Variants in CASR observed in about 807,000 individuals in gnomAD.
CASR encodes extracellular calcium-sensing receptor.
CASR carries 23 observed loss-of-function variants against 69.1 expected under a neutral mutation model. The ratio of observed to expected loss-of-function variants is 0.33; its 90% CI spans 0.24 to 0.47. The LOEUF is 0.47. CASR is among the 20% of genes least tolerant of loss of function. CASR has a pLI of 1.00. For synonymous variants in CASR, 541 were observed against 544.7 expected, an observed-to-expected ratio of 0.99 and a Z score of 0.10; for missense variants, 924 against 1,356.1, an observed-to-expected ratio of 0.68 and a Z score of 5.00.
At position 122,285,262 on chromosome 3, in the gene CASR, C is replaced by T. The variant is rs1210890295; in HGVS notation, c.*71C>T. ...TGGGGTCCCAGGGAAGAGGAATCGC[C>T]CCAGACTCCTTTCCTCTGAGGAAGA... On this transcript the variant is annotated 3_prime_UTR_variant, in exon 7 of 7. Coordinates refer to ENST00000639785, the MANE Select transcript of CASR (RefSeq NM_000388.4). The T allele has an allele frequency of 2.9e-6, 4 of 1,362,628 alleles. No homozygotes were observed. The highest frequency in any genetic ancestry group is 4.2e-6 in the Non-Finnish European group (4 of 955,250). 84.4% of individuals were successfully genotyped at this position (1,362,628 alleles called of 1,614,324 possible). A position where few individuals can be genotyped will look rare whatever the true frequency, so the allele number is the denominator to read the frequency against.
chr3:122,239,094 G>A (rs1461065407), intron 1 of CASR, among the ~76,000 whole-genome samples: 1 of 152,162 alleles, frequency 6.6e-6, no homozygotes, highest in African/African-American at 2.4e-5. Flanking sequence ...CAGCCACAAG[G>A]GTGTGGAGCA....
rs2075005420 is a variant in CASR, at chr3:122,290,685, A to G, written c.*5494A>G. On this transcript the variant is annotated 3_prime_UTR_variant, in exon 7 of 7. Coordinates refer to ENST00000639785, the MANE Select transcript of CASR (RefSeq NM_000388.4). Reference sequence around the variant, plus strand: ...GATAAGTATATCATATTAGATAGGAATCACCATACTGGGTCAGTCACCCCT... The same window carrying G: ...GATAAGTATATCATATTAGATAGGAGTCACCATACTGGGTCAGTCACCCCT... The G allele has an allele frequency of 1.3e-5, 2 of 152,114 alleles. No homozygotes were observed. The highest frequency in any genetic ancestry group is 2.9e-5 in the Non-Finnish European group (2 of 68,014). 9.4% of individuals were successfully genotyped at this position (152,114 alleles called of 1,614,324 possible). A position where few individuals can be genotyped will look rare whatever the true frequency, so the allele number is the denominator to read the frequency against.
At chr3:122,276,739 G>A (rs1040347953) in intron 5 of CASR, among the ~76,000 whole-genome samples, 2 of 152,216 alleles carry the variant, frequency 1.3e-5, no homozygotes, top group African/African-American at 4.8e-5. Context: ...CAGGAGACCT[G>A]TAACAAAGAG....
chr3:122,234,875 A>C (rs1222323427), intron 1 of CASR, among the ~76,000 whole-genome samples: 1 of 152,230 alleles, frequency 6.6e-6, no homozygotes, highest in East Asian at 1.9e-4. Context: ...TGAATGTAGT[A>C]TGTTCCAGGA....
intron 1 of CASR, among the ~76,000 whole-genome samples, chr3:122,231,733 A>G (rs553672592): frequency 7.0e-6 from 1 of 143,614 alleles, no homozygotes; most frequent in African/African-American, 2.5e-5. Context: ...CATCTCAAAG[A>G]CACCCATTAC....
At chr3:122,241,689 C>T (rs1471798525) in intron 1 of CASR, among the ~76,000 whole-genome samples, 10 of 151,968 alleles carry the variant, frequency 6.6e-5, no homozygotes, top group African/African-American at 9.7e-5. Context: ...GCCAGTAGTA[C>T]CCTGATACCA....
At position 122,279,421 on chromosome 3, in the gene CASR, T is replaced by C. The variant is rs115924709; in HGVS notation, c.1609-2692T>C. On this transcript the variant is annotated intron_variant, in intron 5 of 6. Coordinates refer to ENST00000639785, the MANE Select transcript of CASR (RefSeq NM_000388.4). ...AGAACAATACAAGCAAAGACAATTATAGGACAATATTGTTTGTATACGTAG... is the reference window on the plus strand; with the variant it reads ...AGAACAATACAAGCAAAGACAATTACAGGACAATATTGTTTGTATACGTAG... Among the ~76,000 whole-genome samples, 713 of 152,318 alleles carry C rather than the reference T, an allele frequency of 4.7e-3. 4 individuals are homozygous for C. Among genetic ancestry groups the C allele is most frequent in the African/African-American group, 0.016 (647 of 41,568 alleles).
At position 122,285,487 on chromosome 3, in the gene CASR, C is replaced by A. The variant is rs187173588; in HGVS notation, c.*296C>A. The A allele has an allele frequency of 1.7e-3, 669 of 396,416 alleles. 1 individual carries two copies. Among genetic ancestry groups the A allele is most frequent in the African/African-American group, 0.013 (618 of 49,034 alleles). The allele number at this position is 396,416 out of a possible 1,614,324, so 24.6% of individuals were successfully genotyped here. ...GTCTCTTCCTCTGTTCTATCCCACC[C>A]AACAGCTCAGAGATGAAACTATGGC... On this transcript the variant is annotated 3_prime_UTR_variant, in exon 7 of 7. Transcript: ENST00000639785.
chr3:122,193,451 A>C (rs1165291382), intron 1 of CASR, among the ~76,000 whole-genome samples: 3 of 152,120 alleles, frequency 2.0e-5, no homozygotes, highest in Non-Finnish European at 4.4e-5. Flanking sequence ...TCCTGACCTC[A>C]AGTGATCCAT....
At chr3:122,208,993 C>T (rs750479304) in intron 1 of CASR, among the ~76,000 whole-genome samples, 10 of 152,148 alleles carry the variant, frequency 6.6e-5, no homozygotes, top group Non-Finnish European at 1.3e-4. Context: ...TCAGTATATA[C>T]CATTTCCCCT....
chr3:122,191,637 A>C (rs1194656558), intron 1 of CASR, among the ~76,000 whole-genome samples: 5 of 152,208 alleles, frequency 3.3e-5, no homozygotes, highest in Non-Finnish European at 1.5e-5. Context: ...TGTATATAAA[A>C]GGTTATAATT....
At chr3:122,242,930 T>C (rs751157522) in intron 1 of CASR, among the ~76,000 whole-genome samples, 9 of 152,114 alleles carry the variant, frequency 5.9e-5, no homozygotes, top group Non-Finnish European at 1.0e-4. Flanking sequence ...GAGAAAAGAC[T>C]GTCTCTTCAA....
chr3:122,249,527 C>T (rs1051186036), intron 1 of CASR, among the ~76,000 whole-genome samples: 2 of 152,250 alleles, frequency 1.3e-5, no homozygotes, highest in Non-Finnish European at 2.9e-5. Context: ...GGTCTGCCCT[C>T]ATCTCCGATC....
intron 1 of CASR, among the ~76,000 whole-genome samples, chr3:122,230,795 G>A (rs1487985980): frequency 6.6e-6 from 1 of 152,240 alleles, no homozygotes; most frequent in Admixed American, 6.5e-5. Flanking sequence ...CCAAGGAGGA[G>A]CAGCTAGGTG....
intron 1 of CASR, among the ~76,000 whole-genome samples, chr3:122,209,060 T>C (rs1322549816): frequency 6.6e-6 from 1 of 152,182 alleles, no homozygotes; most frequent in East Asian, 1.9e-4. Context: ...CCTAATGCAG[T>C]AGTACTTAAA....
chr3:122,244,362 G>A (rs1181410009), intron 1 of CASR, among the ~76,000 whole-genome samples: 1 of 151,902 alleles, frequency 6.6e-6, no homozygotes, highest in East Asian at 1.9e-4. Context: ...TAGCAGCACT[G>A]TTCATTAAAA....
In CASR at chr3:122,261,515, T is replaced by C. The variant is rs1367650538; in HGVS notation, c.493-13T>C. 1.2e-6 allele frequency: 2 copies of C among 1,613,566 alleles called. No homozygotes were observed. Among genetic ancestry groups the C allele is most frequent in the Non-Finnish European group, 1.7e-6 (2 of 1,179,742 alleles). On this transcript the variant is annotated splice_polypyrimidine_tract_variant and intron_variant, in intron 3 of 6. Coordinates refer to ENST00000639785, the MANE Select transcript of CASR (RefSeq NM_000388.4). ...CTCACTCACTCATTCACCATGTTCT[T>C]GGTTCTCTCCAGGTCAGTTATGCCT...
intron 1 of CASR, among the ~76,000 whole-genome samples, chr3:122,197,847 C>A (rs1280206789): frequency 6.6e-6 from 1 of 152,206 alleles, no homozygotes; most frequent in African/African-American, 2.4e-5. Context: ...GACCCCCTTT[C>A]ATTCCTCGCC....
intron 4 of CASR, among the ~76,000 whole-genome samples, chr3:122,270,143 G>T (rs1208504018): frequency 6.6e-6 from 1 of 152,134 alleles, no homozygotes; most frequent in Admixed American, 6.5e-5. Context: ...TCCATGGCCT[G>T]TGGGAAAATT....
Sources: gnomAD v4.1 joint callset for allele counts (sites outside exome capture counted in the v4.1 genomes callset) on GRCh38, gnomAD v4.1.1 for gene constraint, MANE v1.5 for transcripts, NCBI Gene and HGNC (gene_info 2026-07-23, HGNC 2026-07-21) for gene names.